The following EPN1 variants were observed in gnomAD, a reference collection of about 807,000 sequenced individuals.
EPN1 encodes the protein epsin-1.
EPN1 carries 25 observed loss-of-function variants against 56.9 expected under a neutral mutation model. The observed-to-expected ratio is 0.44, with a 90% CI of 0.32 to 0.61. The LOEUF (loss-of-function observed/expected upper bound fraction) is 0.61, where lower values mean the gene tolerates loss of function less well. Ranked by LOEUF, EPN1 falls within the 20% of genes least tolerant of loss-of-function variation. The pLI is 0.05. For missense variants in EPN1, 785 were observed against 823.7 expected (o/e 0.95, Z 0.58); for synonymous variants, 411 against 361.8 (o/e 1.14, Z -1.54).
chr19:55,692,921 G>T, intron 8 of EPN1, 30 bp from the exon 9 acceptor site: 1 of 1,611,690 alleles, frequency 6.2e-7, no homozygotes, highest in Non-Finnish European at 8.5e-7. Context: ...GCCCCAGGGA[G>T]GGGCTGAGCA....
In EPN1 at chr19:55,691,813, C is replaced by G. The variant is rs376661309; in HGVS notation, c.822C>G (p.Asp274Glu). 2 of 1,610,950 alleles carry G rather than the reference C, an allele frequency of 1.2e-6. No individual in the cohort carries two copies. Among genetic ancestry groups the G allele is most frequent in the Non-Finnish European group, 1.7e-6 (2 of 1,177,956 alleles). The change falls in exon 7 of 11, where the codon GAC (aspartate) becomes GAG (glutamate). Residue 274 changes from aspartate to glutamate, a missense_variant. Transcript: ENST00000270460. The surrounding 1 kb of genome is among the most constrained non-coding windows in gnomAD (Gnocchi z 5.6). ...CCCCAGCTCCTGCCCCGACCACAGA[C>G]CCCTGGGGGGGCCCAGCACCCATGG... Reference protein sequence around the residue: ...FTAPAPAPTTDPWGGPAPMAA... With the variant: ...FTAPAPAPTTEPWGGPAPMAA...
At chr19:55,686,789 CT>C (rs1385781319) in intron 3 of EPN1, among the ~76,000 whole-genome samples, 2 of 151,730 alleles carry the variant, frequency 1.3e-5, no homozygotes, top group African/African-American at 4.8e-5. Context: ...CAGAGAGGGG[CT>C]GGTCAGCTCG....
intron 7 of EPN1, 24 bp downstream of exon 7, chr19:55,692,081 G>A: frequency 7.0e-7 from 1 of 1,418,726 alleles, no homozygotes. Context: ...CCACTTGCAT[G>A]CAGCCCCTAC....
At position 55,706,872 on chromosome 19, in the gene EPN1, A is replaced by G. The variant is rs1600118427; in HGVS notation, c.*11516A>G. On this transcript the variant is annotated 3_prime_UTR_variant, in exon 11 of 11. Transcript: ENST00000270460. ...TGGGAAACATAGTGAGACCCCGTCT[A>G]TACTAAAAAATATTTAAATGGGCTG... 1 of 151,774 alleles carries G rather than the reference A, an allele frequency of 6.6e-6. No individual in the cohort carries two copies. The highest frequency in any genetic ancestry group is 2.1e-4 in the South Asian group (1 of 4,808). The allele number at this position is 151,774 out of a possible 1,614,324, so 9.4% of individuals were successfully genotyped here.
Position 55,706,755 on chromosome 19 carries a change from TG to T in EPN1, c.*11402del, listed in dbSNP as rs1987443696. On this transcript the variant is annotated 3_prime_UTR_variant, in exon 11 of 11. Transcript: ENST00000270460. ...AGAGAGATTAAAAAAAAAAAGTAAA[TG>T]GGCCAGGTGCGATGGCTTGTGCCTG... The T allele has an allele frequency of 6.7e-6, 1 of 149,176 alleles. No individual in the cohort carries two copies. The highest frequency in any genetic ancestry group is 1.5e-5 in the Non-Finnish European group (1 of 67,398). The allele number at this position is 149,176 out of a possible 1,614,324, so 9.2% of individuals were successfully genotyped here.
rs1435531353 is a variant in EPN1 at position 55,689,619 on chromosome 19, G to A, written c.678+248G>A. Among the ~76,000 whole-genome samples, 2 of 152,170 alleles carry A rather than the reference G, an allele frequency of 1.3e-5. No homozygotes were observed. The highest frequency in any genetic ancestry group is 6.5e-5 in the Admixed American group (1 of 15,282). On this transcript the variant is annotated intron_variant, in intron 5 of 10. Coordinates refer to ENST00000270460, the MANE Select transcript of EPN1 (RefSeq NM_001130072.2). This position sits in a 1 kb window ranked among gnomAD's most constrained non-coding sequence, Gnocchi z 5.7. ...GTCCCTTCCTCCCCCCAACGCAGGA[G>A]ATACCACCGAGGCGGGTGCCCGTCC...
intron 9 of EPN1, 77 bp downstream of exon 9, chr19:55,693,114 C>G (rs1986689147): frequency 2.1e-6 from 3 of 1,422,074 alleles, no homozygotes; most frequent in Admixed American, 3.5e-5. Context: ...CCCTTGCTGT[C>G]TTTGTCCCAC....
rs368990264 is a variant in EPN1 at position 55,685,349 on chromosome 19, G to A, written c.229-47G>A. On this transcript the variant is annotated intron_variant, in intron 2 of 10. Transcript: ENST00000270460. ...CCGCGTCGCAGGCAGTCTCTGGCCC[G>A]CCTTGTGCCCGGCGTGCTGACCGGG... 5.7e-5 allele frequency: 91 copies of A among 1,583,770 alleles called. 1 individual carries two copies. The highest frequency in any genetic ancestry group is 4.9e-5 in the Non-Finnish European group (57 of 1,166,596).
chr19:55,688,837 C>T (rs373268686), intron 3 of EPN1, 33 bp from the exon 4 acceptor site: 10 of 1,564,548 alleles, frequency 6.4e-6, no homozygotes, highest in Non-Finnish European at 8.7e-6. Context: ...GTTCCCTGGT[C>T]TGGGTCTCAC....
At chr19:55,687,259 C>G (rs1257963992) in intron 3 of EPN1, among the ~76,000 whole-genome samples, 3 of 152,082 alleles carry the variant, frequency 2.0e-5, no homozygotes, top group Non-Finnish European at 2.9e-5. Flanking sequence ...TGGCCCCTGT[C>G]TTGGAGTGAG....
In EPN1 at chr19:55,689,935, T is replaced by G. The variant is rs754055979; in HGVS notation, c.747T>G (p.Thr249=). The G allele has an allele frequency of 6.2e-7, 1 of 1,602,856 alleles. No homozygotes were observed. The highest frequency in any genetic ancestry group is 1.1e-5 in the South Asian group (1 of 88,598). ...QMAIEESKRE[T]GGKEESSLMD... is the part of the protein sequence containing the mutation. ...CAATCGAGGAGAGCAAGAGGGAGAC[T>G]GGGGGCAAGGAGGAGGTGAGCGGGG... The change falls in exon 6 of 11, where the codon ACT becomes ACG. Residue 249 remains threonine, a synonymous_variant. Coordinates refer to ENST00000270460, the MANE Select transcript of EPN1 (RefSeq NM_001130072.2). The surrounding 1 kb of genome is among the most constrained non-coding windows in gnomAD (Gnocchi z 5.7).
intron 9 of EPN1, 105 bp downstream of exon 9, chr19:55,693,142 G>A: frequency 8.9e-7 from 1 of 1,118,062 alleles, no homozygotes; most frequent in Non-Finnish European, 1.3e-6. Context: ...AGGGCCGGCT[G>A]GACTTAGGGA....
Position 55,702,966 on chromosome 19 carries a change from ATTT to A in EPN1, c.*7614_*7616del, listed in dbSNP as rs1016371556. ...CCCACCACCACGCCCGGCTAAGCTA[ATTT>A]TTTGTATTGTTAGTAGAGACGGGGT... On this transcript the variant is annotated 3_prime_UTR_variant, in exon 11 of 11. Coordinates refer to ENST00000270460, the MANE Select transcript of EPN1 (RefSeq NM_001130072.2). The A allele has an allele frequency of 1.3e-5, 2 of 151,596 alleles. No individual in the cohort carries two copies. Among genetic ancestry groups the A allele is most frequent in the African/African-American group, 4.9e-5 (2 of 41,232 alleles). The allele number at this position is 151,596 out of a possible 1,614,324, so 9.4% of individuals were successfully genotyped here.
rs1364018180 is a variant in EPN1 at position 55,709,469 on chromosome 19, G to T, written c.*14113G>T. 6.6e-6 allele frequency: 1 copy of T among 152,054 alleles called. No individual in the cohort carries two copies. Among genetic ancestry groups the T allele is most frequent in the Middle Eastern group, 3.4e-3 (1 of 292 alleles). The allele number at this position is 152,054 out of a possible 1,614,324, so 9.4% of individuals were successfully genotyped here. A position where few individuals can be genotyped will look rare whatever the true frequency, so the allele number is the denominator to read the frequency against. On this transcript the variant is annotated 3_prime_UTR_variant, in exon 11 of 11. Coordinates refer to ENST00000270460, the MANE Select transcript of EPN1 (RefSeq NM_001130072.2). ...CAACTTCTACAATTACCAATATTCA[G>T]CCTCTTCCATTTACAACCTGCCCAT...
At chr19:55,692,479 C>G (rs760636204) in intron 7 of EPN1, among the ~76,000 whole-genome samples, 73 of 151,498 alleles carry the variant, frequency 4.8e-4, no homozygotes, top group Non-Finnish European at 8.5e-4. Flanking sequence ...GGGGAAGCCC[C>G]TCACCCCAGC....
Position 55,697,231 on chromosome 19 carries a change from G to A in EPN1, c.*1875G>A, listed in dbSNP as rs1320331936. The A allele has an allele frequency of 6.6e-6, 1 of 152,136 alleles. No individual in the cohort carries two copies. Among genetic ancestry groups the A allele is most frequent in the African/African-American group, 2.4e-5 (1 of 41,422 alleles). The allele number at this position is 152,136 out of a possible 1,614,324, so 9.4% of individuals were successfully genotyped here. Reference sequence around the variant, plus strand: ...CCTGCTGCTCTAGGCGGTTGTGATGGGGGAGCCCCACAGGGCACAGAGAGC... The same window carrying A: ...CCTGCTGCTCTAGGCGGTTGTGATGAGGGAGCCCCACAGGGCACAGAGAGC... On this transcript the variant is annotated 3_prime_UTR_variant, in exon 11 of 11. Transcript: ENST00000270460.
rs1432314850 is a variant in EPN1 at position 55,689,500 on chromosome 19, T to C, written c.678+129T>C. The C allele has an allele frequency of 2.9e-6, 2 of 688,182 alleles. No individual in the cohort carries two copies. Among genetic ancestry groups the C allele is most frequent in the Non-Finnish European group, 5.1e-6 (2 of 394,130 alleles). 42.6% of individuals were successfully genotyped at this position (688,182 alleles called of 1,614,324 possible). A position where few individuals can be genotyped will look rare whatever the true frequency, so the allele number is the denominator to read the frequency against. On this transcript the variant is annotated intron_variant, in intron 5 of 10. Coordinates refer to ENST00000270460, the MANE Select transcript of EPN1 (RefSeq NM_001130072.2). This position sits in a 1 kb window ranked among gnomAD's most constrained non-coding sequence, Gnocchi z 5.7. ...CCACAGGCTCACGCGTGTTGAAACC[T>C]CAGTACCTTCAGCCGTAGGATGTAG...
chr19:55,684,998 C>T (rs954499195), intron 2 of EPN1, among the ~76,000 whole-genome samples: 14 of 152,246 alleles, frequency 9.2e-5, no homozygotes, highest in South Asian at 2.1e-4. Context: ...AGCTCCAGAA[C>T]GTCTTCATTG....
chr19:55,677,099 C>G, intron 1 of EPN1: 1 of 1,543,166 alleles, frequency 6.5e-7, no homozygotes. Flanking sequence ...TCTCCGTCAT[C>G]CCTATCTCCC....
Sources: gnomAD v4.1 joint callset for allele counts (sites outside exome capture counted in the v4.1 genomes callset) on GRCh38, gnomAD v4.1.1 for gene constraint, Gnocchi (gnomAD v3.1) non-coding constraint, MANE v1.5 for transcripts, NCBI Gene and HGNC (gene_info 2026-07-23, HGNC 2026-07-21) for gene names.